The following WNK1 variants were observed in gnomAD, a reference collection of about 807,000 sequenced individuals.
WNK1 encodes the protein WNK lysine deficient protein kinase 1.
WNK1 carries 38 observed loss-of-function variants against 222.8 expected under a neutral mutation model. That is an observed-to-expected ratio of 0.17 (90% CI 0.13 to 0.22). The LOEUF is 0.22. Ranked by LOEUF, WNK1 falls within the 10% of genes least tolerant of loss-of-function variation. WNK1 has a pLI of 1.00. For missense variants in WNK1, 2,348 were observed against 2,918.4 expected (o/e 0.80, Z 4.50); for synonymous variants, 1,090 against 1,092.9 (o/e 1.00, Z 0.05).
chr12:779,397 G>GT (rs5795950), intron 1 of WNK1, among the ~76,000 whole-genome samples: 2,191 of 124,188 alleles, frequency 0.018, 16 homozygotes, highest in South Asian at 0.039. Context: ...TTTCTTTTCT[G>GT]TTTTTTTTTT....
intron 8 of WNK1, among the ~76,000 whole-genome samples, chr12:865,648 A>G (rs1307285943): frequency 1.3e-5 from 2 of 152,232 alleles, no homozygotes; most frequent in Admixed American, 1.3e-4. Flanking sequence ...TCCTATCGAC[A>G]TAAAATTCTT....
rs56168957 is a variant in WNK1, at chr12:900,806, G to A, written c.6643+136G>A. 0.023 allele frequency: 25,075 copies of A among 1,086,708 alleles called. 413 individuals carry two copies. Among genetic ancestry groups the A allele is most frequent in the Non-Finnish European group, 0.028 (19,997 of 711,698 alleles). 67.3% of individuals were successfully genotyped at this position (1,086,708 alleles called of 1,614,324 possible). ...GTGTGTTGTACACTGAAGAATCTGG[G>A]TGAAAAGGGAAGTGGAGTGATAATG... On this transcript the variant is annotated intron_variant, in intron 26 of 27. Coordinates refer to ENST00000315939, the MANE Select transcript of WNK1 (RefSeq NM_018979.4).
At chr12:858,602 C>T (rs1401492520) in intron 5 of WNK1, among the ~76,000 whole-genome samples, 4 of 152,060 alleles carry the variant, frequency 2.6e-5, no homozygotes, top group African/African-American at 9.7e-5. Context: ...AATTATTGAA[C>T]AAGGAATTAA....
At chr12:859,078 G>T (rs1950998862) in intron 5 of WNK1, among the ~76,000 whole-genome samples, 167 bp from the exon 6 acceptor site, 1 of 152,136 alleles carries the variant, frequency 6.6e-6, no homozygotes, top group Admixed American at 6.5e-5. Context: ...GTAAACCTCT[G>T]TAGGCACCCT....
intron 1 of WNK1, among the ~76,000 whole-genome samples, chr12:785,284 A>T (rs529241500): frequency 6.6e-6 from 1 of 151,920 alleles, no homozygotes; most frequent in East Asian, 1.9e-4. Context: ...CTGAAAATTT[A>T]CCTTCTACTC....
intron 4 of WNK1, among the ~76,000 whole-genome samples, chr12:840,182 C>T (rs1482036136): frequency 6.6e-6 from 1 of 152,024 alleles, no homozygotes; most frequent in Non-Finnish European, 1.5e-5. Context: ...GGCTTGAGTG[C>T]AGTGGTACAA....
At chr12:786,975 G>A (rs903057019) in intron 1 of WNK1, among the ~76,000 whole-genome samples, 1 of 151,806 alleles carries the variant, frequency 6.6e-6, no homozygotes, top group African/African-American at 2.4e-5. Context: ...TCTTCTTCCT[G>A]CCTTCTATGT....
At chr12:832,088 T>G (rs1477467500) in intron 4 of WNK1, among the ~76,000 whole-genome samples, 3 of 152,196 alleles carry the variant, frequency 2.0e-5, no homozygotes, top group African/African-American at 7.2e-5. Flanking sequence ...TATTTATTTA[T>G]TTTTTGAGAC....
Position 885,445 on chromosome 12 carries a change from A to ATCTTCC in WNK1, c.4651_4656dup (p.Ser1551_Ser1552dup). 1 of 1,613,774 alleles carries ATCTTCC rather than the reference A, an allele frequency of 6.2e-7. No homozygotes were observed. Among genetic ancestry groups the ATCTTCC allele is most frequent in the Non-Finnish European group, 8.5e-7 (1 of 1,180,004 alleles). ...GATTGGCTTTCTCCCTCTCTGCACC[A>ATCTTCC]TCTTCCTCTTCCTCTCCTGGAGCAG... On this transcript the variant is annotated inframe_insertion, in exon 19 of 28. Transcript: ENST00000315939.
chr12:873,642 C>G (rs995165309), intron 9 of WNK1, among the ~76,000 whole-genome samples: 2 of 152,104 alleles, frequency 1.3e-5, no homozygotes, highest in Non-Finnish European at 2.9e-5. Context: ...TCTGCAGGGA[C>G]TTAATGATTC....
chr12:908,022 C>T lies in WNK1; in HGVS notation c.6819C>T (p.His2273=). Residue 2273 remains histidine, a synonymous_variant, in exon 27 of 28, where the codon CAC becomes CAT. Coordinates refer to ENST00000315939, the MANE Select transcript of WNK1 (RefSeq NM_018979.4). ...CAGGCAGGAGAGGAAGCAAAGGGCACATGAATTACGAGGTAAGTCTCTCTT... is the reference window on the plus strand; with the variant it reads ...CAGGCAGGAGAGGAAGCAAAGGGCATATGAATTACGAGGTAAGTCTCTCTT... ...NLSGRRGSKG[H]MNYEGPGMAR... is the part of the protein sequence containing the mutation. 1.2e-6 allele frequency: 2 copies of T among 1,614,058 alleles called. No homozygotes were observed. The highest frequency in any genetic ancestry group is 1.3e-5 in the African/African-American group (1 of 75,010).
chr12:815,947 A>G (rs528186472), intron 2 of WNK1, among the ~76,000 whole-genome samples: 3 of 152,366 alleles, frequency 2.0e-5, no homozygotes, highest in African/African-American at 7.2e-5. Flanking sequence ...ACCTCCAGAT[A>G]ATAAGCAGAG....
chr12:844,980 C>T (rs1225245043), intron 4 of WNK1, among the ~76,000 whole-genome samples: 1 of 147,044 alleles, frequency 6.8e-6, no homozygotes, highest in Non-Finnish European at 1.5e-5. Context: ...ACTGCAAGCT[C>T]CGCCTCCCGG....
At chr12:847,643 T>C (rs966759137) in intron 4 of WNK1, among the ~76,000 whole-genome samples, 2 of 152,118 alleles carry the variant, frequency 1.3e-5, no homozygotes, top group Non-Finnish European at 2.9e-5. Flanking sequence ...TTCTAGTTTT[T>C]GTTTTACCAT....
intron 1 of WNK1, among the ~76,000 whole-genome samples, chr12:805,059 C>T (rs925151585): frequency 6.6e-6 from 1 of 151,600 alleles, no homozygotes; most frequent in African/African-American, 2.4e-5. Flanking sequence ...TACCCTTTGA[C>T]TATTGTAAAA....
intron 1 of WNK1, among the ~76,000 whole-genome samples, chr12:791,946 A>G (rs1944881555): frequency 6.6e-6 from 1 of 152,198 alleles, no homozygotes; most frequent in Non-Finnish European, 1.5e-5. Flanking sequence ...TATTCTACCC[A>G]GGTCCTATCA....
chr12:814,913 G>C (rs967600860), intron 2 of WNK1, among the ~76,000 whole-genome samples: 7 of 152,180 alleles, frequency 4.6e-5, no homozygotes, highest in Admixed American at 2.0e-4. Flanking sequence ...TGTCCCATCT[G>C]GGGGTGATGG....
intron 25 of WNK1, among the ~76,000 whole-genome samples, chr12:898,765 A>C (rs1419609535): frequency 6.6e-6 from 1 of 151,072 alleles, no homozygotes; most frequent in African/African-American, 2.4e-5. Flanking sequence ...TTTGAGACAG[A>C]ATCCCGCTCT....
intron 3 of WNK1, 155 bp from the exon 4 acceptor site, chr12:829,848 C>A (rs1157535018): frequency 2.7e-6 from 2 of 741,356 alleles, no homozygotes; most frequent in Admixed American, 4.4e-5. Context: ...AACAGACTGA[C>A]TGAGAAGATT....
Sources: allele counts gnomAD v4.1 joint callset (sites outside exome capture counted in the v4.1 genomes callset), GRCh38; gene constraint gnomAD v4.1.1; transcripts MANE v1.5; gene names NCBI Gene and HGNC (gene_info 2026-07-23, HGNC 2026-07-21).